The following NWD2 variants were observed in gnomAD, a reference collection of about 807,000 sequenced individuals.
The protein encoded by NWD2 is NACHT and WD repeat domain-containing protein 2.
A neutral mutation model predicts 132.7 loss-of-function variants in NWD2; 37 were observed. The ratio of observed to expected loss-of-function variants is 0.28; its 90% CI spans 0.21 to 0.37. The LOEUF (loss-of-function observed/expected upper bound fraction) is 0.37. NWD2 is among the 10% of genes least tolerant of loss of function. The probability of loss-of-function intolerance (pLI) is 1.00; values close to 1 mark genes in which losing one functional copy is unlikely to be tolerated. For missense variants in NWD2, 1,592 were observed against 2,122.4 expected (o/e 0.75, Z 4.91); for synonymous variants, 705 against 803.0 (o/e 0.88, Z 2.06).
chr4:37,359,854 A>C (rs1317591899), intron 3 of NWD2, among the ~76,000 whole-genome samples: 5 of 136,212 alleles, frequency 3.7e-5, no homozygotes, highest in African/African-American at 1.2e-4. Context: ...GCTGTTTTAC[A>C]CACATGTTTT....
intron 1 of NWD2, among the ~76,000 whole-genome samples, chr4:37,256,956 T>C (rs1717533240): frequency 1.3e-5 from 2 of 152,226 alleles, no homozygotes; most frequent in African/African-American, 4.8e-5. Flanking sequence ...CCCTTGAATC[T>C]GGGCTCTGAT....
intron 1 of NWD2, among the ~76,000 whole-genome samples, chr4:37,295,493 T>C (rs6845838): frequency 0.37 from 55,629 of 152,066 alleles, 10,268 homozygotes; most frequent in South Asian, 0.41. Context: ...TTTGCCAAAA[T>C]CAAAGCAAGT....
chr4:37,244,996 G>A lies in NWD2; in HGVS notation c.-72G>A, dbSNP rs1016423934. On this transcript the variant is annotated 5_prime_UTR_variant, in exon 1 of 7. In the 5' UTR this introduces an upstream ATG that the reference lacks. Coordinates refer to ENST00000309447, the MANE Select transcript of NWD2 (RefSeq NM_001144990.2). This position sits in a 1 kb window ranked among gnomAD's most constrained non-coding sequence, Gnocchi z 5.5. Reference sequence around the variant, plus strand: ...GATCGACCGCCTGCTGAGCCGTTCCGTGGAGCTGCGGGCAGGAACCCGAGG... The same window carrying A: ...GATCGACCGCCTGCTGAGCCGTTCCATGGAGCTGCGGGCAGGAACCCGAGG... 2.6e-6 allele frequency: 4 copies of A among 1,529,236 alleles called. No individual in the cohort carries two copies. Among genetic ancestry groups the A allele is most frequent in the Non-Finnish European group, 3.5e-6 (4 of 1,140,994 alleles). 94.7% of individuals were successfully genotyped at this position (1,529,236 alleles called of 1,614,324 possible). A position where few individuals can be genotyped will look rare whatever the true frequency, so the allele number is the denominator to read the frequency against.
At chr4:37,405,422 A>AATAGAATAGG (rs1197412430) in intron 3 of NWD2, among the ~76,000 whole-genome samples, 2 of 2,818 alleles carry the variant, frequency 7.1e-4, no homozygotes, top group East Asian at 0.023. Flanking sequence ...AGTTGAATGT[A>AATAGAATAGG]ATAGAATAGA....
intron 1 of NWD2, among the ~76,000 whole-genome samples, chr4:37,321,696 T>A (rs949242946): frequency 1.3e-5 from 2 of 152,218 alleles, no homozygotes; most frequent in Non-Finnish European, 2.9e-5. Flanking sequence ...TGAATCAAGT[T>A]TTTTATTTAA....
At chr4:37,284,451 A>G (rs537463499) in intron 1 of NWD2, among the ~76,000 whole-genome samples, 4 of 152,204 alleles carry the variant, frequency 2.6e-5, no homozygotes, top group Non-Finnish European at 4.4e-5. Context: ...AGAGTCCAGA[A>G]TATTCGATGA....
chr4:37,280,197 A>T (rs1336672307), intron 1 of NWD2, among the ~76,000 whole-genome samples: 1 of 152,258 alleles, frequency 6.6e-6, no homozygotes, highest in Non-Finnish European at 1.5e-5. Context: ...CCACAAAAAC[A>T]TCACCAAACT....
intron 1 of NWD2, among the ~76,000 whole-genome samples, chr4:37,266,252 G>A: frequency 6.6e-6 from 1 of 152,048 alleles, no homozygotes; most frequent in Non-Finnish European, 1.5e-5. Flanking sequence ...GCAAGATCTG[G>A]AGCCACTGTT....
chr4:37,411,275 G>T (rs959897379), intron 3 of NWD2, among the ~76,000 whole-genome samples: 2 of 152,104 alleles, frequency 1.3e-5, no homozygotes. Flanking sequence ...GAATCAAATA[G>T]ACACAATAAA....
chr4:37,436,999 T>C (rs1712339196), intron 5 of NWD2, among the ~76,000 whole-genome samples: 1 of 152,144 alleles, frequency 6.6e-6, no homozygotes, highest in Non-Finnish European at 1.5e-5. Flanking sequence ...TTCATTTAGG[T>C]TGAAAATTTC....
rs931507469 is a variant in NWD2, at chr4:37,445,271, T to C, written c.3283T>C (p.Phe1095Leu). ...GCTGTACGGATGGCCGCTTTACCAG[T>C]TCCACTGCTGGTATGAAGTGACGTG... The part of the protein sequence containing the change: ...DLLYGWPLYQ[F>L]HCWYEVTCVQ... The change falls in exon 7 of 7, where the codon TTC becomes CTC. Residue 1095 changes from phenylalanine to leucine, a missense_variant. By Grantham distance (22) the Phe-to-Leu change is conservative. Coordinates refer to ENST00000309447, the MANE Select transcript of NWD2 (RefSeq NM_001144990.2). The surrounding 1 kb of genome is among the most constrained non-coding windows in gnomAD (Gnocchi z 4.7). The C allele has an allele frequency of 5.2e-6, 8 of 1,551,920 alleles. No individual in the cohort carries two copies. In the Admixed American group the frequency reaches 9.8e-5, roughly 19 times the overall value.
chr4:37,391,977 G>A (rs542366147), intron 3 of NWD2, among the ~76,000 whole-genome samples: 8 of 152,168 alleles, frequency 5.3e-5, no homozygotes, highest in Admixed American at 3.9e-4. Context: ...GCGGAGGGTC[G>A]ATTACTTGAG....
Position 37,244,959 on chromosome 4 carries a change from G to GCCGCCTGCTGAGATCGA in NWD2, c.-96_-80dup. The GCCGCCTGCTGAGATCGA allele has an allele frequency of 7.0e-7, 1 of 1,427,562 alleles. No homozygotes were observed. The highest frequency in any genetic ancestry group is 2.1e-5 in the Admixed American group (1 of 47,168). 88.4% of individuals were successfully genotyped at this position (1,427,562 alleles called of 1,614,324 possible). ...CGGGCTCGGAGCGGCTCTGAGCCGC[G>GCCGCCTGCTGAGATCGA]CCGCCTGCTGAGATCGACCGCCTGC... On this transcript the variant is annotated 5_prime_UTR_variant, in exon 1 of 7. Coordinates refer to ENST00000309447, the MANE Select transcript of NWD2 (RefSeq NM_001144990.2). This position sits in a 1 kb window ranked among gnomAD's most constrained non-coding sequence, Gnocchi z 5.5.
chr4:37,319,281 A>T (rs1322447252), intron 1 of NWD2, among the ~76,000 whole-genome samples: 1 of 152,128 alleles, frequency 6.6e-6, no homozygotes, highest in Non-Finnish European at 1.5e-5. Flanking sequence ...TCTTTTGAGA[A>T]GTACCTCTTC....
intron 1 of NWD2, among the ~76,000 whole-genome samples, chr4:37,264,668 G>A (rs1321187897): frequency 6.6e-6 from 1 of 152,076 alleles, no homozygotes; most frequent in Non-Finnish European, 1.5e-5. Context: ...AAAGTAAAAT[G>A]TAAAAATGAG....
At chr4:37,398,583 A>G (rs566275964) in intron 3 of NWD2, among the ~76,000 whole-genome samples, 2 of 152,310 alleles carry the variant, frequency 1.3e-5, no homozygotes, top group Admixed American at 1.3e-4. Context: ...CAGGTTTCAA[A>G]TCCCAGAAGT....
chr4:37,277,620 T>C (rs1718047908), intron 1 of NWD2, among the ~76,000 whole-genome samples: 1 of 152,152 alleles, frequency 6.6e-6, no homozygotes, highest in African/African-American at 2.4e-5. Flanking sequence ...TATCTCTATT[T>C]ATTGTTGACA....
At chr4:37,424,337 A>G (rs2928291) in intron 3 of NWD2, among the ~76,000 whole-genome samples, 86,389 of 151,966 alleles carry the variant, frequency 0.57, 24,622 homozygotes, top group Admixed American at 0.61. Context: ...TGGGGTTATT[A>G]AATTTAAAGC....
intron 3 of NWD2, among the ~76,000 whole-genome samples, chr4:37,421,858 CAGTCTGGGAACTGGA>C (rs991829978): frequency 1.3e-5 from 2 of 151,296 alleles, no homozygotes; most frequent in Admixed American, 6.6e-5. Context: ...TTTTTTTTCA[CAGTCTGGGAACTGGA>C]AGTTTAAGAT....
Sources: allele counts gnomAD v4.1 joint callset (sites outside exome capture counted in the v4.1 genomes callset), GRCh38; gene constraint gnomAD v4.1.1; non-coding constraint Gnocchi (gnomAD v3.1); transcripts MANE v1.5; gene names NCBI Gene and HGNC (gene_info 2026-07-23, HGNC 2026-07-21).